Variants in SULF1 observed in about 807,000 individuals in gnomAD.
SULF1 encodes the protein extracellular sulfatase Sulf-1.
In SULF1, 46 loss-of-function variants were observed where a neutral mutation model predicts 110.5. That is an observed-to-expected ratio of 0.42 (90% CI 0.33 to 0.53). The LOEUF (loss-of-function observed/expected upper bound fraction) is 0.53, where lower values mean the gene tolerates loss of function less well. Among genes scored for constraint, SULF1 ranks in the 20% least tolerant of loss-of-function variants. The pLI, the probability that SULF1 is intolerant of heterozygous loss-of-function variation, is 0.12. For synonymous variants in SULF1, 371 were observed against 387.1 expected, an observed-to-expected ratio of 0.96 and a Z score of 0.49; for missense variants, 941 against 1,094.2, an observed-to-expected ratio of 0.86 and a Z score of 1.98.
intron 3 of SULF1, among the ~76,000 whole-genome samples, chr8:69,513,320 A>G (rs528196689): frequency 1.1e-3 from 173 of 152,360 alleles, no homozygotes; most frequent in African/African-American, 3.5e-3. Flanking sequence ...TCCTGTGGAA[A>G]TAGAGCCAGA....
chr8:69,648,063 T>C (rs1394197580), intron 22 of SULF1, among the ~76,000 whole-genome samples: 3 of 151,356 alleles, frequency 2.0e-5, no homozygotes, highest in Non-Finnish European at 4.4e-5. Context: ...CTAAAACATA[T>C]TATGTTTCAA....
In SULF1 at chr8:69,590,119, C is replaced by T. The variant is rs75625125; in HGVS notation, c.734+978C>T. ...AAATAGGTAAGTAACTATGCAGGCT[C>T]TCTAGTTGCCGGTCACTATACATCC... On this transcript the variant is annotated intron_variant, in intron 8 of 22. Transcript: ENST00000402687. Among the ~76,000 whole-genome samples, 244 of 152,316 alleles carry T rather than the reference C, an allele frequency of 1.6e-3. 1 individual carries two copies. The highest frequency in any genetic ancestry group is 5.7e-3 in the African/African-American group (239 of 41,582).
At chr8:69,653,171 G>A (rs1812480606) in intron 22 of SULF1, among the ~76,000 whole-genome samples, 1 of 152,156 alleles carries the variant, frequency 6.6e-6, no homozygotes, top group Admixed American at 6.6e-5. Flanking sequence ...CTGGGTTCCA[G>A]TGATCCTCCC....
At position 69,495,837 on chromosome 8, in the gene SULF1, A is replaced by T. The variant is rs1810310260; in HGVS notation, c.-318A>T. ...AAAGGAAGTAATTTCTTACCTGGTC[A>T]TTATTTAGTCTACAATAAGTTCATC... is the stretch of plus-strand genomic sequence containing the variant. On this transcript the variant is annotated 5_prime_UTR_variant, in exon 2 of 23. Transcript: ENST00000402687. The T allele has an allele frequency of 6.6e-6, 1 of 152,258 alleles. No individual in the cohort carries two copies. Among genetic ancestry groups the T allele is most frequent in the South Asian group, 2.1e-4 (1 of 4,830 alleles). The allele number at this position is 152,258 out of a possible 1,614,324, so 9.4% of individuals were successfully genotyped here. A position where few individuals can be genotyped will look rare whatever the true frequency, so the allele number is the denominator to read the frequency against.
intron 19 of SULF1, among the ~76,000 whole-genome samples, chr8:69,630,818 A>G (rs1005422208): frequency 4.6e-5 from 7 of 152,192 alleles, no homozygotes; most frequent in Admixed American, 3.3e-4. Flanking sequence ...AGTGATCAAC[A>G]TTGTTTTTTA....
At chr8:69,541,324 C>G (rs530147563) in intron 3 of SULF1, among the ~76,000 whole-genome samples, 7 of 152,114 alleles carry the variant, frequency 4.6e-5, no homozygotes, top group Non-Finnish European at 8.8e-5. Flanking sequence ...TGGCACTTCC[C>G]CTGAGAAGTA....
upstream of SULF1, among the ~76,000 whole-genome samples, chr8:69,490,359 C>T (rs1056808876): frequency 2.0e-5 from 3 of 152,050 alleles, no homozygotes; most frequent in Non-Finnish European, 2.9e-5. Flanking sequence ...GCCTTGGCCT[C>T]CAAAGCACTG....
intron 17 of SULF1, 58 bp from the exon 18 acceptor site, chr8:69,628,113 A>C: frequency 7.1e-7 from 1 of 1,404,974 alleles, no homozygotes. Context: ...TTATAAAATG[A>C]ACACTTTGAT....
At chr8:69,650,952 G>A (rs775747907) in intron 22 of SULF1, among the ~76,000 whole-genome samples, 1 of 152,040 alleles carries the variant, frequency 6.6e-6, no homozygotes, top group Non-Finnish European at 1.5e-5. Flanking sequence ...TGGGTCTGAG[G>A]TGTATAAAAT....
intron 3 of SULF1, among the ~76,000 whole-genome samples, chr8:69,502,954 C>T (rs1018334406): frequency 6.6e-6 from 1 of 151,902 alleles, no homozygotes; most frequent in East Asian, 1.9e-4. Context: ...CCTAAATGGC[C>T]GGGATTATAG....
chr8:69,605,769 A>G (rs1808178311), intron 13 of SULF1, among the ~76,000 whole-genome samples: 1 of 152,200 alleles, frequency 6.6e-6, no homozygotes. Flanking sequence ...AAATACTAAC[A>G]CATAGTGAGC....
At chr8:69,532,587 T>G (rs13275051) in intron 3 of SULF1, among the ~76,000 whole-genome samples, 25,676 of 152,218 alleles carry the variant, frequency 0.17, 2,336 homozygotes, top group South Asian at 0.29. Flanking sequence ...GCAAGATCTT[T>G]AAATTCATTG....
intron 5 of SULF1, among the ~76,000 whole-genome samples, chr8:69,569,855 CT>C (rs1398444171): frequency 6.6e-6 from 1 of 151,800 alleles, no homozygotes; most frequent in Non-Finnish European, 1.5e-5. Context: ...CCTTTTCCCC[CT>C]TTGGTTTTAG....
At chr8:69,592,205 A>T (rs968576516) in intron 8 of SULF1, among the ~76,000 whole-genome samples, 1 of 152,204 alleles carries the variant, frequency 6.6e-6, no homozygotes, top group Non-Finnish European at 1.5e-5. Context: ...TGGTCACTGT[A>T]TAAGGGAGGC....
In SULF1 at chr8:69,586,400, C is replaced by T. The variant is rs756737948; in HGVS notation, c.456C>T (p.Ile152=). 2.5e-6 allele frequency: 4 copies of T among 1,603,634 alleles called. No individual in the cohort carries two copies. Among genetic ancestry groups the T allele is most frequent in the Non-Finnish European group, 3.4e-6 (4 of 1,176,320 alleles). ...TCAATGAATATAATGGCAGCTACAT[C>T]CCCCCTGGGTGGCGAGAATGGCTTG... ...KYLNEYNGSY[I]PPGWREWLGL... Residue 152 remains isoleucine (I), a synonymous_variant, in exon 7 of 23, where the codon ATC becomes ATT. Coordinates refer to ENST00000402687, the MANE Select transcript of SULF1 (RefSeq NM_001128205.2).
At chr8:69,582,688 GAAAAAA>G (rs3059986) in intron 6 of SULF1, among the ~76,000 whole-genome samples, 2 of 136,748 alleles carry the variant, frequency 1.5e-5, no homozygotes, top group African/African-American at 5.4e-5. Context: ...TGCCTTCTTG[GAAAAAA>G]AAAAAAAAAA....
chr8:69,555,936 C>T (rs550483773), intron 3 of SULF1, among the ~76,000 whole-genome samples: 72 of 152,128 alleles, frequency 4.7e-4, no homozygotes, highest in Non-Finnish European at 7.9e-4. Flanking sequence ...TTTTGCATTG[C>T]GCCAGATTAT....
intron 3 of SULF1, among the ~76,000 whole-genome samples, chr8:69,509,036 C>A (rs771636308): frequency 6.6e-6 from 1 of 152,154 alleles, no homozygotes; most frequent in African/African-American, 2.4e-5. Context: ...TAATTTCCTA[C>A]AAAATTAGAA....
At chr8:69,648,225 G>T (rs1351128335) in intron 22 of SULF1, among the ~76,000 whole-genome samples, 2 of 151,906 alleles carry the variant, frequency 1.3e-5, no homozygotes, top group Non-Finnish European at 2.9e-5. Flanking sequence ...AGTCTGTTCG[G>T]GCTCTTCCCA....
Sources: gnomAD v4.1 joint callset for allele counts (sites outside exome capture counted in the v4.1 genomes callset) on GRCh38, gnomAD v4.1.1 for gene constraint, MANE v1.5 for transcripts, NCBI Gene and HGNC (gene_info 2026-07-23, HGNC 2026-07-21) for gene names.